CEP152: variants seen among roughly 807,000 people sequenced by gnomAD.
The protein encoded by CEP152 is centrosomal protein of 152 kDa.
In CEP152, 132 loss-of-function variants were observed where a neutral mutation model predicts 188.9. The ratio of observed to expected loss-of-function variants is 0.70; its 90% CI spans 0.61 to 0.81. The LOEUF (loss-of-function observed/expected upper bound fraction) is 0.81. CEP152 is among the 30% of genes least tolerant of loss of function. CEP152 has a pLI of 0.00. For missense variants in CEP152, 1,914 were observed against 1,969.8 expected, an observed-to-expected ratio of 0.97 and a Z score of 0.54; for synonymous variants, 649 against 666.6, an observed-to-expected ratio of 0.97 and a Z score of 0.41.
rs1049066451 is a variant in CEP152 at position 48,757,510 on chromosome 15, T to C, written c.2695-957A>G. 3.9e-5 allele frequency among the ~76,000 whole-genome samples: 6 copies of C among 152,328 alleles called. No homozygotes were observed. In the East Asian group the frequency reaches 5.8e-4, roughly 15 times the overall value. On this transcript the variant is annotated intron_variant, in intron 19 of 26. Transcript: ENST00000380950. ...TCTTTGGCACTAACATCTTCACCTA[T>C]ATAAAGGAGTAGAGTAGATAATGGC...
chr15:48,781,651 C>T (rs1896248167), intron 11 of CEP152, among the ~76,000 whole-genome samples: 1 of 152,084 alleles, frequency 6.6e-6, no homozygotes, highest in Admixed American at 6.5e-5. Flanking sequence ...ATGCTGATGG[C>T]GGCGCTTTCT....
downstream of CEP152, among the ~76,000 whole-genome samples, chr15:48,733,317 A>T (rs1892489225): frequency 6.6e-6 from 1 of 152,198 alleles, no homozygotes; most frequent in Non-Finnish European, 1.5e-5. Context: ...TCTATCCCCA[A>T]AATATGTACA....
intron 9 of CEP152, among the ~76,000 whole-genome samples, chr15:48,785,277 T>C (rs897733898): frequency 2.6e-5 from 4 of 152,200 alleles, no homozygotes; most frequent in African/African-American, 9.7e-5. Context: ...GTGAATTTTG[T>C]ATTCTATTTC....
intron 22 of CEP152, among the ~76,000 whole-genome samples, chr15:48,745,366 T>G (rs1237717342): frequency 6.6e-6 from 1 of 152,126 alleles, no homozygotes; most frequent in Non-Finnish European, 1.5e-5. Flanking sequence ...TCATTGAACA[T>G]GCACCTCGAT....
chr15:48,741,537 G>A (rs745508471), intron 26 of CEP152, 64 bp downstream of exon 26: 1 of 1,612,224 alleles, frequency 6.2e-7, no homozygotes, highest in Non-Finnish European at 8.5e-7. Flanking sequence ...TCTTCATACT[G>A]AAAATATTAA....
chr15:48,768,027 T>C lies in CEP152; in HGVS notation c.2018+192A>G, dbSNP rs544568745. 2.0e-5 allele frequency among the ~76,000 whole-genome samples: 3 copies of C among 152,324 alleles called. No homozygotes were observed. The South Asian group carries it at 6.2e-4, about 32-fold the overall frequency. On this transcript the variant is annotated intron_variant, in intron 15 of 26. Transcript: ENST00000380950. ...ATACTATAGAACCCAACCCACTACA[T>C]AACACTGTTTCTATGGAAAATGTGT...
intron 9 of CEP152, among the ~76,000 whole-genome samples, chr15:48,784,942 A>G (rs1340564221): frequency 6.6e-6 from 1 of 152,272 alleles, no homozygotes; most frequent in East Asian, 1.9e-4. Context: ...CACTGTCGAA[A>G]TCATCACCTT....
At position 48,772,559 on chromosome 15, in the gene CEP152, G is replaced by A. The variant is rs1473321883; in HGVS notation, c.1710C>T (p.Asp570=). ...KRHLVSQLQN[D]LKDCHKKIED... is the part of the protein sequence containing the mutation. ...CAATTTTCTTATGACAGTCTTTGAG[G>A]TCATTTTGTAACTGAGACACCAGAT... Residue 570 remains aspartate, a synonymous_variant, in exon 13 of 27, where the codon GAC becomes GAT. Transcript: ENST00000380950. 1 of 1,613,926 alleles carries A rather than the reference G, an allele frequency of 6.2e-7. No homozygotes were observed. Among genetic ancestry groups the A allele is most frequent in the Non-Finnish European group, 8.5e-7 (1 of 1,179,976 alleles).
intron 26 of CEP152, chr15:48,740,677 T>G (rs1460745718): frequency 7.4e-6 from 1 of 135,730 alleles, no homozygotes; most frequent in Non-Finnish European, 1.5e-5. Context: ...CAGGCTGGAG[T>G]GCAGTGGTGC....
At chr15:48,765,636 ATTTTTTTTTTTTTTTTTTTTT>A in intron 17 of CEP152, 4 of 188,120 alleles carry the variant, frequency 2.1e-5, no homozygotes, top group African/African-American at 1.3e-4. Context: ...GTTCTTGCCA[ATTTTTTTTTTTTTTTTTTTTT>A]TTTTTTTTTT....
intron 12 of CEP152, among the ~76,000 whole-genome samples, chr15:48,779,953 G>A (rs1896144084): frequency 6.6e-6 from 1 of 152,218 alleles, no homozygotes; most frequent in Non-Finnish European, 1.5e-5. Flanking sequence ...TAAATGTGTA[G>A]AGCTATTTGC....
intron 17 of CEP152, among the ~76,000 whole-genome samples, chr15:48,763,118 T>G (rs1894814906): frequency 6.6e-6 from 1 of 152,286 alleles, no homozygotes; most frequent in Middle Eastern, 3.4e-3. Context: ...CTTGAACACA[T>G]TAGAATCTTA....
chr15:48,807,294 A>G (rs1898040776), intron 1 of CEP152, among the ~76,000 whole-genome samples: 1 of 152,242 alleles, frequency 6.6e-6, no homozygotes, highest in South Asian at 2.1e-4. Context: ...CTGTAACATG[A>G]AATGGTGAGG....
At chr15:48,778,672 G>A (rs112498150) in intron 12 of CEP152, among the ~76,000 whole-genome samples, 2,368 of 152,174 alleles carry the variant, frequency 0.016, 69 homozygotes, top group African/African-American at 0.055. Flanking sequence ...ACAGGAGGCC[G>A]GGCGCGGTGG....
At position 48,779,884 on chromosome 15, in the gene CEP152, C is replaced by A. The variant is rs140811249; in HGVS notation, c.1577+1312G>T. On this transcript the variant is annotated intron_variant, in intron 12 of 26. Coordinates refer to ENST00000380950, the MANE Select transcript of CEP152 (RefSeq NM_001194998.2). ...TTTAATTTACTAACCAAACTGGAAG[C>A]CTTTCTTTGACAACTTGGGATCATA... is the stretch of plus-strand genomic sequence containing the variant. 4.4e-3 allele frequency among the ~76,000 whole-genome samples: 671 copies of A among 152,310 alleles called. 1 individual carries two copies. The highest frequency in any genetic ancestry group is 0.015 in the African/African-American group (641 of 41,566).
At position 48,766,718 on chromosome 15, in the gene CEP152, T is replaced by C. The variant is rs182070511; in HGVS notation, c.2280+342A>G. ...TCCGTGCAGCGCTCACAGGACTACA[T>C]AGGGTTTCCTGAACAGTCAACACCG... On this transcript the variant is annotated intron_variant, in intron 17 of 26. Coordinates refer to ENST00000380950, the MANE Select transcript of CEP152 (RefSeq NM_001194998.2). 9.2e-5 allele frequency among the ~76,000 whole-genome samples: 14 copies of C among 151,406 alleles called. 1 individual carries two copies. Among genetic ancestry groups the C allele is most frequent in the Admixed American group, 6.6e-4 (10 of 15,236 alleles).
At chr15:48,754,453 T>G (rs940619598) in intron 20 of CEP152, among the ~76,000 whole-genome samples, 6 of 152,204 alleles carry the variant, frequency 3.9e-5, no homozygotes, top group African/African-American at 1.2e-4. Flanking sequence ...GATTTTCCCA[T>G]CATTTCTCAT....
chr15:48,764,410 C>T (rs1894904719), intron 17 of CEP152, among the ~76,000 whole-genome samples: 1 of 152,016 alleles, frequency 6.6e-6, no homozygotes, highest in African/African-American at 2.4e-5. Flanking sequence ...AAACAAAATT[C>T]AAATAAACAT....
intron 12 of CEP152, among the ~76,000 whole-genome samples, chr15:48,778,031 G>C (rs968140664): frequency 6.6e-6 from 1 of 152,190 alleles, no homozygotes; most frequent in Non-Finnish European, 1.5e-5. Context: ...AGCCTGCTGA[G>C]AAGACCAAAG....
Sources: allele counts gnomAD v4.1 joint callset (sites outside exome capture counted in the v4.1 genomes callset), GRCh38; gene constraint gnomAD v4.1.1; transcripts MANE v1.5; gene names NCBI Gene and HGNC (gene_info 2026-07-23, HGNC 2026-07-21).